EIF4G3: variants seen among roughly 807,000 people sequenced by gnomAD.
EIF4G3 encodes the protein eIF-4-gamma 3.
EIF4G3 carries 34 observed loss-of-function variants against 186.4 expected under a neutral mutation model. The ratio of observed to expected loss-of-function variants is 0.18; its 90% CI spans 0.14 to 0.24. The LOEUF (loss-of-function observed/expected upper bound fraction) is 0.24, where lower values mean the gene tolerates loss of function less well. Among genes scored for constraint, EIF4G3 ranks in the 10% least tolerant of loss-of-function variants. The pLI is 1.00. For missense variants in EIF4G3, 1,536 were observed against 1,948.5 expected (o/e 0.79, Z 3.99); for synonymous variants, 673 against 679.5 (o/e 0.99, Z 0.15).
At chr1:20,990,750 C>A (rs930279647) in intron 7 of EIF4G3, among the ~76,000 whole-genome samples, 1 of 152,210 alleles carries the variant, frequency 6.6e-6, no homozygotes, top group Non-Finnish European at 1.5e-5. Flanking sequence ...TAGACTACAG[C>A]ACAGTGGAAA....
chr1:20,973,913 G>C (rs2076346144), intron 10 of EIF4G3, among the ~76,000 whole-genome samples: 1 of 152,184 alleles, frequency 6.6e-6, no homozygotes, highest in Non-Finnish European at 1.5e-5. Context: ...TAGAGGTGTG[G>C]AGAAGGGGTC....
intron 15 of EIF4G3, among the ~76,000 whole-genome samples, chr1:20,904,417 C>T (rs948023634): frequency 1.3e-5 from 2 of 152,194 alleles, no homozygotes; most frequent in Admixed American, 1.3e-4. Context: ...ATGATCACAT[C>T]TCACTGCAGC....
chr1:21,065,690 T>A (rs2095208417), intron 3 of EIF4G3, among the ~76,000 whole-genome samples: 1 of 152,204 alleles, frequency 6.6e-6, no homozygotes, highest in Non-Finnish European at 1.5e-5. Flanking sequence ...TTTAGTTTCC[T>A]CTTCTGTAAA....
At position 21,175,959 on chromosome 1, in the gene EIF4G3, T is replaced by C. The variant is rs191743605; in HGVS notation, c.-272+216A>G. ...CTGCAGAAGCATGGCCAAGTGGGGC[T>C]AGCTTTCACAGTATTGCAGAGGGTC... On this transcript the variant is annotated intron_variant, in intron 2 of 36. Transcript: ENST00000602326. 95 of 241,342 alleles carry C rather than the reference T, an allele frequency of 3.9e-4. 1 individual carries two copies. The East Asian group carries it at 7.6e-3, about 19-fold the overall frequency. The allele number at this position is 241,342 out of a possible 1,614,324, so 15.0% of individuals were successfully genotyped here.
chr1:20,966,411 A>C (rs533849297), intron 12 of EIF4G3, among the ~76,000 whole-genome samples: 1 of 152,050 alleles, frequency 6.6e-6, no homozygotes, highest in South Asian at 2.1e-4. Context: ...GCCAATATTT[A>C]TAACTTGCAG....
intron 19 of EIF4G3, among the ~76,000 whole-genome samples, chr1:20,882,796 CA>C (rs533959378): frequency 7.6e-4 from 106 of 140,320 alleles, no homozygotes; most frequent in East Asian, 1.0e-3. Context: ...GACCCTCTTT[CA>C]AAAAAAAAAA....
intron 3 of EIF4G3, among the ~76,000 whole-genome samples, chr1:21,054,027 A>G (rs1288522518): frequency 6.6e-6 from 1 of 152,192 alleles, no homozygotes; most frequent in Non-Finnish European, 1.5e-5. Context: ...TGGAATAGAA[A>G]GGGGGGAAAG....
chr1:21,002,910 G>A (rs1156255948), intron 4 of EIF4G3, 102 bp from the exon 5 acceptor site: 1 of 639,252 alleles, frequency 1.6e-6, no homozygotes, highest in Non-Finnish European at 2.7e-6. Flanking sequence ...GGTTATTAAT[G>A]TGGTTTATAT....
intron 15 of EIF4G3, among the ~76,000 whole-genome samples, chr1:20,903,174 G>A (rs2090965930): frequency 1.3e-5 from 2 of 152,190 alleles, no homozygotes; most frequent in African/African-American, 4.8e-5. Flanking sequence ...ACATTTCAAT[G>A]TCCACCAATA....
chr1:20,904,623 C>T (rs949003911), intron 15 of EIF4G3, among the ~76,000 whole-genome samples: 6 of 152,124 alleles, frequency 3.9e-5, no homozygotes, highest in Non-Finnish European at 7.3e-5. Context: ...GCTGGGATTA[C>T]AGTTGTTAGC....
chr1:21,036,231 G>A lies in EIF4G3; in HGVS notation c.-67+14635C>T, dbSNP rs561344108. Among the ~76,000 whole-genome samples the A allele has an allele frequency of 5.3e-5, 8 of 152,136 alleles. No individual in the cohort carries two copies. The East Asian group carries it at 5.8e-4, about 11-fold the overall frequency. The stretch of plus-strand genomic sequence containing the variant: ...CCCACTCTAGGGCCTCCTCTCTGCC[G>A]AGAGTCGAACACTCAACAAGATGAC... On this transcript the variant is annotated intron_variant, in intron 4 of 36. Transcript: ENST00000602326.
intron 2 of EIF4G3, among the ~76,000 whole-genome samples, chr1:21,133,460 C>T (rs1573056939): frequency 6.6e-6 from 1 of 151,326 alleles, no homozygotes; most frequent in Non-Finnish European, 1.5e-5. Context: ...CTCCTGACCT[C>T]GTGATCCGCC....
At chr1:21,120,946 G>A (rs2096915377) in intron 2 of EIF4G3, among the ~76,000 whole-genome samples, 1 of 152,098 alleles carries the variant, frequency 6.6e-6, no homozygotes, top group Non-Finnish European at 1.5e-5. Flanking sequence ...TTGAGACAAG[G>A]TCTCACTCTG....
intron 4 of EIF4G3, among the ~76,000 whole-genome samples, chr1:21,009,377 G>C (rs1161879531): frequency 6.6e-6 from 1 of 151,902 alleles, no homozygotes; most frequent in African/African-American, 2.4e-5. Flanking sequence ...ATAGGGTCTT[G>C]CCAATGTTGC....
chr1:20,864,527 C>T lies in EIF4G3; in HGVS notation c.2955G>A (p.Leu985=). 6.2e-7 allele frequency: 1 copy of T among 1,614,208 alleles called. No individual in the cohort carries two copies. Among genetic ancestry groups the T allele is most frequent in the Non-Finnish European group, 8.5e-7 (1 of 1,180,032 alleles). Residue 985 remains leucine (L), a synonymous_variant, in exon 22 of 37, where the codon CTG becomes CTA. Transcript: ENST00000602326. ...TGCCAATGGTGGTGAGCAGGCGACA[C>T]AGGCACTCCAGGGATTCTTCATCAT... ...KNHDEESLEC[L]CRLLTTIGKD...
Position 20,941,587 on chromosome 1 carries a change from T to C in EIF4G3, c.1567A>G (p.Lys523Glu). 1 of 1,614,200 alleles carries C rather than the reference T, an allele frequency of 6.2e-7. No homozygotes were observed. The highest frequency in any genetic ancestry group is 8.5e-7 in the Non-Finnish European group (1 of 1,180,028). Reference protein sequence around the residue: ...SIRTCLSEDAKEIQNKIEVEA... With the variant: ...SIRTCLSEDAEEIQNKIEVEA... ...ACCTCTATTTTGTTCTGAATCTCTT[T>C]TGCATCTTCACTAAGGCAAGTTCTT... Residue 523 changes from lysine (K) to glutamate (E), a missense_variant, in exon 14 of 37, where the codon AAA (lysine) becomes GAA (glutamate). Lys to Glu is a moderately conservative substitution (Grantham distance 56). Coordinates refer to ENST00000602326, the MANE Select transcript of EIF4G3 (RefSeq NM_001391906.1).
chr1:21,050,793 A>G, intron 4 of EIF4G3, 73 bp downstream of exon 4: 1 of 670,978 alleles, frequency 1.5e-6, no homozygotes, highest in Admixed American at 2.9e-5. Flanking sequence ...ACTGCTTAGG[A>G]GTCTCTTTAG....
chr1:20,869,479 A>AATGTG (rs2078520110), intron 20 of EIF4G3, among the ~76,000 whole-genome samples: 1 of 151,824 alleles, frequency 6.6e-6, no homozygotes, highest in African/African-American at 2.4e-5. Context: ...TTTGCTCTTA[A>AATGTG]ATGTGAAGTA....
intron 3 of EIF4G3, among the ~76,000 whole-genome samples, chr1:21,067,903 G>A (rs985327643): frequency 6.6e-5 from 10 of 151,634 alleles, no homozygotes; most frequent in African/African-American, 1.7e-4. Context: ...GTGACAGAGC[G>A]AGACTCCATC....
Sources: gnomAD v4.1 joint callset for allele counts (sites outside exome capture counted in the v4.1 genomes callset) on GRCh38, gnomAD v4.1.1 for gene constraint, MANE v1.5 for transcripts, NCBI Gene and HGNC (gene_info 2026-07-23, HGNC 2026-07-21) for gene names.